The following ADAMTS6 variants were observed in gnomAD, a reference collection of about 807,000 sequenced individuals.
The protein encoded by ADAMTS6 is ADAM metallopeptidase with thrombospondin type 1 motif 6.
A neutral mutation model predicts 144.3 loss-of-function variants in ADAMTS6; 23 were observed. The ratio of observed to expected loss-of-function variants is 0.16; its 90% CI spans 0.11 to 0.23. The LOEUF (loss-of-function observed/expected upper bound fraction) is 0.23, where lower values mean the gene tolerates loss of function less well. ADAMTS6 is among the 10% of genes least tolerant of loss of function. The probability of loss-of-function intolerance (pLI) is 1.00; values close to 1 mark genes in which losing one functional copy is unlikely to be tolerated. For synonymous variants in ADAMTS6, 444 were observed against 457.5 expected, an observed-to-expected ratio of 0.97 and a Z score of 0.38; for missense variants, 999 against 1,379.6, an observed-to-expected ratio of 0.72 and a Z score of 4.37.
At position 65,172,887 on chromosome 5, in the gene ADAMTS6, C is replaced by T. The variant is rs200963830; in HGVS notation, c.3032G>A (p.Arg1011His). 9.5e-5 allele frequency: 153 copies of T among 1,614,236 alleles called. No homozygotes were observed. Among genetic ancestry groups the T allele is most frequent in the Middle Eastern group, 3.3e-4 (2 of 6,062 alleles). ...PEESKPPVRI[R>H]CSLGRCPPPR... ...AGGAGGGCAGCGGCCCAAACTGCAG[C>T]GGATGCGGACAGGAGGTTTGCTTTC... Residue 1011 changes from arginine (R) to histidine (H), a missense_variant, in exon 23 of 25, where the codon CGC (arginine) becomes CAC (histidine). Transcript: ENST00000381055.
chr5:65,315,850 G>T (rs1263654361), intron 9 of ADAMTS6, among the ~76,000 whole-genome samples: 1 of 152,154 alleles, frequency 6.6e-6, no homozygotes, highest in Non-Finnish European at 1.5e-5. Context: ...AAACAAAAGT[G>T]AGTCAAAAAC....
chr5:65,459,144 C>T (rs959114186), intron 4 of ADAMTS6, among the ~76,000 whole-genome samples: 1 of 151,922 alleles, frequency 6.6e-6, no homozygotes, highest in African/African-American at 2.4e-5. Context: ...TCCCTGAGAG[C>T]TGGGATTACA....
At chr5:65,439,167 T>TAAAG (rs1681026267) in intron 7 of ADAMTS6, among the ~76,000 whole-genome samples, 1 of 151,658 alleles carries the variant, frequency 6.6e-6, no homozygotes, top group Non-Finnish European at 1.5e-5. Context: ...AGTCCATATT[T>TAAAG]AAAGAAAGAA....
At chr5:65,182,077 A>G (rs1036187400) in intron 22 of ADAMTS6, among the ~76,000 whole-genome samples, 2 of 152,194 alleles carry the variant, frequency 1.3e-5, no homozygotes, top group Non-Finnish European at 2.9e-5. Context: ...AATGCGAAGA[A>G]AGACAATTCA....
At chr5:65,206,655 G>A (rs1040532395) in intron 20 of ADAMTS6, among the ~76,000 whole-genome samples, 11 of 142,976 alleles carry the variant, frequency 7.7e-5, no homozygotes, top group Middle Eastern at 3.8e-3. Flanking sequence ...AGCCATGATC[G>A]TGCCACTGCA....
chr5:65,420,634 G>A (rs1171167463), intron 7 of ADAMTS6, among the ~76,000 whole-genome samples: 2 of 149,728 alleles, frequency 1.3e-5, no homozygotes, highest in Non-Finnish European at 3.0e-5. Flanking sequence ...ATCTGCCTTG[G>A]CCTCCCAAAG....
intron 15 of ADAMTS6, among the ~76,000 whole-genome samples, chr5:65,227,239 T>C (rs2112409398): frequency 1.3e-5 from 2 of 152,310 alleles, no homozygotes; most frequent in Non-Finnish European, 2.9e-5. Flanking sequence ...ACACAGCAAT[T>C]TGAGCATTTT....
chr5:65,266,850 C>T (rs1176983440), intron 12 of ADAMTS6, among the ~76,000 whole-genome samples: 2 of 151,632 alleles, frequency 1.3e-5, no homozygotes, highest in Non-Finnish European at 3.0e-5. Context: ...TACTTTTCTC[C>T]TTTGGTAGTA....
intron 7 of ADAMTS6, among the ~76,000 whole-genome samples, chr5:65,373,021 A>G (rs1751128841): frequency 6.6e-6 from 1 of 152,228 alleles, no homozygotes; most frequent in Admixed American, 6.5e-5. Context: ...GGTACGTAAC[A>G]AAATGAAGGC....
At chr5:65,302,876 T>C (rs1037859776) in intron 9 of ADAMTS6, among the ~76,000 whole-genome samples, 9 of 152,178 alleles carry the variant, frequency 5.9e-5, no homozygotes, top group African/African-American at 2.2e-4. Flanking sequence ...TTTAAGAGAA[T>C]CAATTTTGAG....
At chr5:65,413,203 G>T (rs900930425) in intron 7 of ADAMTS6, among the ~76,000 whole-genome samples, 2 of 152,084 alleles carry the variant, frequency 1.3e-5, no homozygotes, top group African/African-American at 4.8e-5. Context: ...CTTCTCACAT[G>T]AAAATAGTTT....
chr5:65,469,359 C>A (rs1232747411), intron 3 of ADAMTS6, among the ~76,000 whole-genome samples: 1 of 152,152 alleles, frequency 6.6e-6, no homozygotes, highest in African/African-American at 2.4e-5. Flanking sequence ...TGAATGTGCT[C>A]ATTTCATCAC....
intron 9 of ADAMTS6, among the ~76,000 whole-genome samples, chr5:65,319,981 T>C (rs1218971685): frequency 6.6e-6 from 1 of 152,042 alleles, no homozygotes; most frequent in Non-Finnish European, 1.5e-5. Flanking sequence ...GTAGCTGGGA[T>C]TACAGGCATG....
intron 10 of ADAMTS6, among the ~76,000 whole-genome samples, chr5:65,297,531 C>A (rs182009564): frequency 2.6e-5 from 4 of 152,166 alleles, no homozygotes; most frequent in Admixed American, 2.6e-4. Context: ...AGAAGAGAAG[C>A]TAAAATAAAA....
At chr5:65,177,702 G>A (rs1046441854) in intron 22 of ADAMTS6, among the ~76,000 whole-genome samples, 1 of 151,910 alleles carries the variant, frequency 6.6e-6, no homozygotes, top group Non-Finnish European at 1.5e-5. Flanking sequence ...AACAAACTTT[G>A]GCAATTAAAA....
intron 7 of ADAMTS6, among the ~76,000 whole-genome samples, chr5:65,403,416 G>A (rs1258088188): frequency 1.3e-5 from 2 of 151,942 alleles, no homozygotes; most frequent in Non-Finnish European, 2.9e-5. Context: ...TGAAATCCAG[G>A]CTCATCAACA....
chr5:65,212,448 C>A (rs149556502), intron 20 of ADAMTS6, among the ~76,000 whole-genome samples: 5,670 of 110,754 alleles, frequency 0.051, 182 homozygotes, highest in Middle Eastern at 0.1. Flanking sequence ...TTTTTTTTTA[C>A]CCCCTACCAC....
chr5:65,184,535 G>C (rs905486908), intron 22 of ADAMTS6, among the ~76,000 whole-genome samples: 1 of 152,174 alleles, frequency 6.6e-6, no homozygotes, highest in Non-Finnish European at 1.5e-5. Context: ...TATAAGAAAT[G>C]TATCTTTTTC....
intron 9 of ADAMTS6, among the ~76,000 whole-genome samples, chr5:65,318,286 G>A (rs771876387): frequency 1.3e-5 from 2 of 152,132 alleles, no homozygotes; most frequent in Admixed American, 6.5e-5. Flanking sequence ...TGGTGGGAAT[G>A]TAAATTAGTA....
Sources: gnomAD v4.1 joint callset for allele counts (sites outside exome capture counted in the v4.1 genomes callset) on GRCh38, gnomAD v4.1.1 for gene constraint, MANE v1.5 for transcripts, NCBI Gene and HGNC (gene_info 2026-07-23, HGNC 2026-07-21) for gene names.